Variants in PREP observed in about 807,000 individuals in gnomAD.
PREP encodes dJ355L5.1 (prolyl endopeptidase).
In PREP, 29 loss-of-function variants were observed where a neutral mutation model predicts 87.6. The ratio of observed to expected loss-of-function variants is 0.33; its 90% confidence interval spans 0.25 to 0.45. The LOEUF is 0.45. Among genes scored for constraint, PREP ranks in the 20% least tolerant of loss-of-function variants. PREP has a pLI of 1.00. For synonymous variants in PREP, 337 were observed against 328.6 expected, an observed-to-expected ratio of 1.03 and a Z score of -0.28; for missense variants, 695 against 886.5, an observed-to-expected ratio of 0.78 and a Z score of 2.74.
chr6:105,394,047 T>C (rs1773228968), intron 2 of PREP, among the ~76,000 whole-genome samples: 1 of 152,154 alleles, frequency 6.6e-6, no homozygotes, highest in African/African-American at 2.4e-5. Flanking sequence ...GGTTATTATA[T>C]TGGATAACAA....
rs1034929167 is a variant in PREP, at chr6:105,274,148, T to C, written c.*3996A>G. 2.6e-5 allele frequency among the ~76,000 whole-genome samples: 4 copies of C among 152,204 alleles called. No homozygotes were observed. Among genetic ancestry groups the C allele is most frequent in the Non-Finnish European group, 2.9e-5 (2 of 68,008 alleles). ...TAAGAAAATACCATAAACTGGTGGGTTGTCAACAACAGAAATTGCTCTCTC... is the reference window on the plus strand; with the variant it reads ...TAAGAAAATACCATAAACTGGTGGGCTGTCAACAACAGAAATTGCTCTCTC... On this transcript the variant is annotated 3_prime_UTR_variant, in exon 15 of 15. Coordinates refer to ENST00000652536, the MANE Select transcript of PREP (RefSeq NM_002726.5).
At chr6:105,343,066 C>T (rs1771702574) in intron 7 of PREP, among the ~76,000 whole-genome samples, 1 of 152,192 alleles carries the variant, frequency 6.6e-6, no homozygotes, top group African/African-American at 2.4e-5. Flanking sequence ...CCTGCATTGC[C>T]AAGACAATCC....
intron 10 of PREP, among the ~76,000 whole-genome samples, chr6:105,320,941 C>G (rs1770988797): frequency 6.6e-6 from 1 of 152,162 alleles, no homozygotes; most frequent in African/African-American, 2.4e-5. Context: ...AGAGCCTAAT[C>G]AAAATGTGAG....
intron 14 of PREP, 147 bp downstream of exon 14, chr6:105,281,599 C>A (rs1770081657): frequency 2.1e-6 from 2 of 956,588 alleles, no homozygotes; most frequent in African/African-American, 1.7e-5. Context: ...TCAAGAAAGA[C>A]AAGTAGGTAG....
intron 6 of PREP, among the ~76,000 whole-genome samples, chr6:105,364,276 C>T (rs1013032932): frequency 6.6e-6 from 1 of 152,132 alleles, no homozygotes. Flanking sequence ...GCAGTCGTCC[C>T]GGGAAGACAC....
In PREP at chr6:105,275,217, C is replaced by T. The variant is rs1252652934; in HGVS notation, c.*2927G>A. ...CTCCTTCTGGGCATTAGCTATGTGG[C>T]CTGCTGGGAACTTCCAGAGGCTGGT... is the stretch of plus-strand genomic sequence containing the variant. On this transcript the variant is annotated 3_prime_UTR_variant, in exon 15 of 15. Transcript: ENST00000652536. 6.6e-6 allele frequency among the ~76,000 whole-genome samples: 1 copy of T among 152,206 alleles called. No homozygotes were observed. Among genetic ancestry groups the T allele is most frequent in the Non-Finnish European group, 1.5e-5 (1 of 68,042 alleles).
chr6:105,330,092 T>A (rs1771285302), intron 8 of PREP, among the ~76,000 whole-genome samples: 1 of 152,198 alleles, frequency 6.6e-6, no homozygotes, highest in Admixed American at 6.5e-5. Context: ...GGAAGTGTTG[T>A]TCAGTTTGGG....
Position 105,359,711 on chromosome 6 carries a change from A to G in PREP, c.718-6634T>C, listed in dbSNP as rs543333339. Among the ~76,000 whole-genome samples the G allele has an allele frequency of 6.6e-5, 10 of 152,208 alleles. No homozygotes were observed. In the East Asian group the frequency reaches 1.2e-3, roughly 18 times the overall value. ...CAAGTTGAAGATGGCACCTCTCCCA[A>G]GGTCATGCATTCTTTTGGGTTCATC... On this transcript the variant is annotated intron_variant, in intron 6 of 14. Transcript: ENST00000652536.
At chr6:105,376,058 T>C in intron 4 of PREP, 67 bp downstream of exon 4, 1 of 1,537,326 alleles carries the variant, frequency 6.5e-7, no homozygotes, top group Non-Finnish European at 8.8e-7. Flanking sequence ...GTAAAGCAAC[T>C]GCACTAACTT....
chr6:105,295,523 C>T (rs1253375613), intron 10 of PREP, among the ~76,000 whole-genome samples: 2 of 152,134 alleles, frequency 1.3e-5, no homozygotes, highest in Non-Finnish European at 2.9e-5. Flanking sequence ...CCCATACTCA[C>T]AGCTCACCAC....
At chr6:105,353,713 A>G (rs550775269) in intron 6 of PREP, among the ~76,000 whole-genome samples, 14 of 147,666 alleles carry the variant, frequency 9.5e-5, no homozygotes, top group Admixed American at 4.1e-4. Flanking sequence ...CGGAGGTTGC[A>G]GTGAGCTGAC....
At chr6:105,385,473 G>A (rs1583101333) in intron 2 of PREP, among the ~76,000 whole-genome samples, 1 of 151,984 alleles carries the variant, frequency 6.6e-6, no homozygotes, top group East Asian at 1.9e-4. Context: ...AAATCTCAAT[G>A]AAATGAATAA....
At chr6:105,379,750 T>G (rs988169198) in intron 2 of PREP, among the ~76,000 whole-genome samples, 2 of 152,198 alleles carry the variant, frequency 1.3e-5, no homozygotes, top group Non-Finnish European at 1.5e-5. Flanking sequence ...CTTGTGTGTG[T>G]GTTTACACTG....
At chr6:105,347,222 C>T (rs758213418) in intron 7 of PREP, among the ~76,000 whole-genome samples, 26 of 152,146 alleles carry the variant, frequency 1.7e-4, no homozygotes, top group Non-Finnish European at 2.5e-4. Flanking sequence ...TGGATCTGTG[C>T]GCTGGGCCAC....
At chr6:105,362,306 C>CA (rs1772272861) in intron 6 of PREP, among the ~76,000 whole-genome samples, 1 of 152,098 alleles carries the variant, frequency 6.6e-6, no homozygotes, top group Non-Finnish European at 1.5e-5. Flanking sequence ...ACTAAAAATA[C>CA]AAAAATTAGC....
rs1241671602 is a variant in PREP at position 105,302,161 on chromosome 6, G to A, written c.1318-13267C>T. Among the ~76,000 whole-genome samples the A allele has an allele frequency of 2.0e-5, 3 of 152,168 alleles. No homozygotes were observed. In the East Asian group the frequency reaches 5.8e-4, roughly 29 times the overall value. On this transcript the variant is annotated intron_variant, in intron 10 of 14. Coordinates refer to ENST00000652536, the MANE Select transcript of PREP (RefSeq NM_002726.5). Reference sequence around the variant, plus strand: ...ATCAGACATTTTCATTAAAAGTGAAGGAACCCTGCTACACGCGGAGGCCCA... The same window carrying A: ...ATCAGACATTTTCATTAAAAGTGAAAGAACCCTGCTACACGCGGAGGCCCA...
chr6:105,394,674 G>A (rs1773243604), intron 2 of PREP, among the ~76,000 whole-genome samples: 1 of 152,186 alleles, frequency 6.6e-6, no homozygotes, highest in African/African-American at 2.4e-5. Context: ...GCATGGTGGT[G>A]TGCGCCTGTA....
chr6:105,360,451 C>G (rs1297482966), intron 6 of PREP, among the ~76,000 whole-genome samples: 1 of 152,178 alleles, frequency 6.6e-6, no homozygotes, highest in Non-Finnish European at 1.5e-5. Flanking sequence ...ATCATTCTAA[C>G]TTACATTTAT....
intron 10 of PREP, among the ~76,000 whole-genome samples, chr6:105,306,234 A>G (rs1384341748): frequency 6.6e-6 from 1 of 152,204 alleles, no homozygotes; most frequent in Non-Finnish European, 1.5e-5. Flanking sequence ...CTAGAAAAGA[A>G]CATGGTATAC....
Sources: gnomAD v4.1 joint callset for allele counts (sites outside exome capture counted in the v4.1 genomes callset) on GRCh38, gnomAD v4.1.1 for gene constraint, MANE v1.5 for transcripts, NCBI Gene and HGNC (gene_info 2026-07-23, HGNC 2026-07-21) for gene names.